COL28A1: variants seen among roughly 807,000 people sequenced by gnomAD.
COL28A1 encodes collagen type XXVIII alpha 1 chain.
A neutral mutation model predicts 150.2 loss-of-function variants in COL28A1; 161 were observed. The ratio of observed to expected loss-of-function variants is 1.07; its 90% CI spans 0.94 to 1.22. COL28A1 has a LOEUF of 1.22. Among genes scored for constraint, COL28A1 ranks in the 50% most tolerant of loss-of-function variants. The pLI is 0.00. For synonymous variants in COL28A1, 552 were observed against 469.7 expected (o/e 1.18, Z -2.26); for missense variants, 1,617 against 1,388.3 (o/e 1.16, Z -2.62).
At chr7:7,422,771 C>T (rs1261914704) in intron 25 of COL28A1, among the ~76,000 whole-genome samples, 1 of 152,166 alleles carries the variant, frequency 6.6e-6, no homozygotes, top group African/African-American at 2.4e-5. Context: ...TCTTGACCTA[C>T]CAGCTTTGAG....
the COL28A1 span, among the ~76,000 whole-genome samples, chr7:7,350,545 A>T: frequency 2.0e-5 from 3 of 152,124 alleles, no homozygotes; most frequent in East Asian, 5.8e-4. Flanking sequence ...TACCAATTCC[A>T]ATATTTATTT....
intron 13 of COL28A1, among the ~76,000 whole-genome samples, chr7:7,478,609 G>T (rs1373312412): frequency 6.6e-6 from 1 of 152,252 alleles, no homozygotes; most frequent in African/African-American, 2.4e-5. Flanking sequence ...TGCTCCTTGG[G>T]GAGGCTCAGG....
chr7:7,423,633 T>A (rs1387343227), intron 25 of COL28A1, among the ~76,000 whole-genome samples: 1 of 152,052 alleles, frequency 6.6e-6, no homozygotes, highest in Admixed American at 6.6e-5. Context: ...TAAGAAAAAA[T>A]TTGACACTGT....
chr7:7,372,804 G>C (rs1781304473), intron 32 of COL28A1, among the ~76,000 whole-genome samples, 194 bp downstream of exon 32: 1 of 152,146 alleles, frequency 6.6e-6, no homozygotes. Context: ...CCTTAATAAA[G>C]ACAAGGGATT....
intron 30 of COL28A1, 101 bp from the exon 31 acceptor site, chr7:7,375,598 A>T (rs1172613484): frequency 1.6e-6 from 1 of 643,756 alleles, no homozygotes; most frequent in African/African-American, 1.9e-5. Flanking sequence ...GGACCATTTG[A>T]TTTAATCCTT....
At chr7:7,429,615 G>C (rs559730673) in intron 25 of COL28A1, among the ~76,000 whole-genome samples, 42 of 152,262 alleles carry the variant, frequency 2.8e-4, no homozygotes, top group African/African-American at 9.6e-4. Flanking sequence ...TTTTCTTTTA[G>C]ACTTTCCTTT....
At chr7:7,499,525 G>C (rs904344341) in intron 11 of COL28A1, among the ~76,000 whole-genome samples, 15 of 152,092 alleles carry the variant, frequency 9.9e-5, no homozygotes, top group African/African-American at 3.4e-4. Context: ...AAGAAATGTA[G>C]GAATCTACAT....
intron 17 of COL28A1, among the ~76,000 whole-genome samples, chr7:7,453,229 T>A (rs966647668): frequency 3.9e-5 from 6 of 152,266 alleles, no homozygotes; most frequent in African/African-American, 1.4e-4. Context: ...AAACAACAAA[T>A]GAAAATTGTG....
chr7:7,459,518 G>T (rs1332629935), intron 15 of COL28A1, among the ~76,000 whole-genome samples: 1 of 152,124 alleles, frequency 6.6e-6, no homozygotes, highest in Admixed American at 6.5e-5. Context: ...ATAATTATCT[G>T]CTTAAAGGCT....
Position 7,506,213 on chromosome 7 carries a change from TG to T in COL28A1, c.973-147del, listed in dbSNP as rs1348604483. 1.0e-5 allele frequency: 6 copies of T among 573,532 alleles called. No individual in the cohort carries two copies. The African/African-American group carries it at 1.1e-4, about 11-fold the overall frequency. The allele number at this position is 573,532 out of a possible 1,614,324, so 35.5% of individuals were successfully genotyped here. A position where few individuals can be genotyped will look rare whatever the true frequency, so the allele number is the denominator to read the frequency against. On this transcript the variant is annotated intron_variant, in intron 10 of 34. Transcript: ENST00000399429. Reference sequence around the variant, plus strand: ...ATTGAAATCACATTCAATCGAGAAGTGGGATGAGATAAAATTTCTTGTGTCA... The same window carrying T: ...ATTGAAATCACATTCAATCGAGAAGTGGATGAGATAAAATTTCTTGTGTCA...
At chr7:7,499,760 A>G (rs1017301969) in intron 11 of COL28A1, among the ~76,000 whole-genome samples, 8 of 152,172 alleles carry the variant, frequency 5.3e-5, no homozygotes, top group Non-Finnish European at 1.2e-4. Flanking sequence ...ACTACTTCCA[A>G]CCCATAACTG....
intron 15 of COL28A1, among the ~76,000 whole-genome samples, chr7:7,456,753 A>G (rs970087140): frequency 6.6e-6 from 1 of 152,378 alleles, no homozygotes; most frequent in Admixed American, 6.5e-5. Context: ...ACAGTGACCA[A>G]AACAGCTCAA....
At chr7:7,384,303 A>T (rs1455398379) in intron 27 of COL28A1, among the ~76,000 whole-genome samples, 1 of 152,144 alleles carries the variant, frequency 6.6e-6, no homozygotes, top group Non-Finnish European at 1.5e-5. Flanking sequence ...CCAGAAGAGG[A>T]GTGCTTCCTC....
chr7:7,372,247 A>C (rs1781267420), intron 32 of COL28A1, among the ~76,000 whole-genome samples: 1 of 151,762 alleles, frequency 6.6e-6, no homozygotes, highest in South Asian at 2.1e-4. Context: ...AAAATACAAA[A>C]AATTAGCCGG....
intron 8 of COL28A1, among the ~76,000 whole-genome samples, chr7:7,514,881 C>T (rs1781336511): frequency 6.6e-6 from 1 of 152,134 alleles, no homozygotes; most frequent in Admixed American, 6.5e-5. Context: ...TTCGGCTCCC[C>T]CTCCAGCCTA....
Position 7,361,861 on chromosome 7 carries a change from T to A in COL28A1, c.3067-1333A>T, listed in dbSNP as rs1780683635. On this transcript the variant is annotated intron_variant, in intron 33 of 34. Transcript: ENST00000399429. The stretch of plus-strand genomic sequence containing the variant: ...GGAATACTATGCAGCCATAAAAACA[T>A]GAGTTCATGTCCTTTGCAGGGACAT... Among the ~76,000 whole-genome samples the A allele has an allele frequency of 3.9e-5, 3 of 77,368 alleles. 1 individual carries two copies. The South Asian group carries it at 1.4e-3, about 36-fold the overall frequency. 50.8% of individuals were successfully genotyped at this position (77,368 alleles called of 152,430 possible).
At chr7:7,478,686 C>G (rs959483304) in intron 13 of COL28A1, among the ~76,000 whole-genome samples, 1 of 152,366 alleles carries the variant, frequency 6.6e-6, no homozygotes, top group East Asian at 1.9e-4. Context: ...CAAGCCCTGC[C>G]CCGCGGAGAG....
intron 7 of COL28A1, among the ~76,000 whole-genome samples, chr7:7,517,185 T>A (rs1230919198): frequency 6.6e-6 from 1 of 152,092 alleles, no homozygotes; most frequent in African/African-American, 2.4e-5. Flanking sequence ...GTTTTTAACA[T>A]CTCTGGGTCT....
At position 7,521,905 on chromosome 7, in the gene COL28A1, A is replaced by T; in HGVS notation, c.759T>A (p.Pro253=). 9.6e-7 allele frequency: 1 copy of T among 1,045,566 alleles called. No individual in the cohort carries two copies. Among genetic ancestry groups the T allele is most frequent in the African/African-American group, 1.5e-5 (1 of 64,612 alleles). 64.8% of individuals were successfully genotyped at this position (1,045,566 alleles called of 1,614,324 possible). ...AAGTTCAAAGTGGAAGTATACTCAC[A>T]GGAGGCCCTGGATCACCTGGATCTC... The part of the protein sequence containing the change: ...EKGDPGDPGP[P]GTHGNPGIKG... Residue 253 remains proline (P), a splice_region_variant and synonymous_variant, in exon 5 of 35, where the codon CCT becomes CCA. Transcript: ENST00000399429.
Sources: allele counts gnomAD v4.1 joint callset (sites outside exome capture counted in the v4.1 genomes callset), GRCh38; gene constraint gnomAD v4.1.1; transcripts MANE v1.5; gene names NCBI Gene and HGNC (gene_info 2026-07-23, HGNC 2026-07-21).